CCSER1: variants seen among roughly 807,000 people sequenced by gnomAD.
CCSER1 encodes the protein coiled-coil serine rich protein 1, also known as serine-rich coiled-coil domain-containing protein 1.
In CCSER1, 41 loss-of-function variants were observed where a neutral mutation model predicts 82.0. That is an observed-to-expected ratio of 0.50 (90% CI 0.39 to 0.65). The LOEUF (loss-of-function observed/expected upper bound fraction) is 0.65. Among genes scored for constraint, CCSER1 ranks in the 30% least tolerant of loss-of-function variants. The probability of loss-of-function intolerance (pLI) is 0.00; values close to 1 mark genes in which losing one functional copy is unlikely to be tolerated. For synonymous variants in CCSER1, 414 were observed against 383.9 expected (o/e 1.08, Z -0.92); for missense variants, 1,119 against 1,064.2 (o/e 1.05, Z -0.72).
intron 9 of CCSER1, among the ~76,000 whole-genome samples, chr4:90,991,452 G>A (rs532567599): frequency 6.6e-6 from 1 of 151,824 alleles, no homozygotes; most frequent in Non-Finnish European, 1.5e-5. Context: ...GTACTTCCAC[G>A]TATCCACTTC....
chr4:91,073,094 G>A (rs1363912631), intron 9 of CCSER1, among the ~76,000 whole-genome samples: 2 of 152,032 alleles, frequency 1.3e-5, no homozygotes, highest in African/African-American at 2.4e-5. Context: ...AAAGCTTCCA[G>A]TGAATGGCTT....
intron 10 of CCSER1, among the ~76,000 whole-genome samples, chr4:91,566,196 T>G (rs1181981086): frequency 1.3e-5 from 2 of 152,172 alleles, no homozygotes; most frequent in Non-Finnish European, 2.9e-5. Flanking sequence ...TCACATTTAT[T>G]GATTTGCATA....
At chr4:91,416,941 T>C (rs1272587167) in intron 10 of CCSER1, among the ~76,000 whole-genome samples, 1 of 152,160 alleles carries the variant, frequency 6.6e-6, no homozygotes, top group African/African-American at 2.4e-5. Flanking sequence ...GAGAAAATTT[T>C]TGCAATCTGT....
chr4:90,911,921 G>A (rs559373184), intron 8 of CCSER1, among the ~76,000 whole-genome samples: 541 of 152,280 alleles, frequency 3.6e-3, no homozygotes, highest in Non-Finnish European at 5.3e-3. Flanking sequence ...AGGCAGCAGC[G>A]AGGCTGGGGG....
intron 10 of CCSER1, among the ~76,000 whole-genome samples, chr4:91,189,121 T>C (rs528121518): frequency 6.6e-6 from 1 of 152,292 alleles, no homozygotes; most frequent in East Asian, 1.9e-4. Flanking sequence ...TAATGGATTT[T>C]TTTTTAAAGA....
At chr4:91,579,463 A>C (rs1459655958) in intron 10 of CCSER1, among the ~76,000 whole-genome samples, 1 of 151,802 alleles carries the variant, frequency 6.6e-6, no homozygotes, top group Non-Finnish European at 1.5e-5. Flanking sequence ...TATGTGATGA[A>C]AACATTACCA....
At chr4:90,427,875 A>G (rs1184231659) in intron 4 of CCSER1, among the ~76,000 whole-genome samples, 2 of 151,826 alleles carry the variant, frequency 1.3e-5, no homozygotes, top group Non-Finnish European at 3.0e-5. Context: ...ATTCAGCCCT[A>G]TTTTGTAATC....
At chr4:90,369,527 G>C (rs1746992156) in intron 3 of CCSER1, among the ~76,000 whole-genome samples, 1 of 151,980 alleles carries the variant, frequency 6.6e-6, no homozygotes, top group Admixed American at 6.6e-5. Flanking sequence ...AAGTATATTT[G>C]AGAAGTTAGA....
chr4:91,094,743 G>A (rs978254474), intron 10 of CCSER1, among the ~76,000 whole-genome samples: 5 of 152,146 alleles, frequency 3.3e-5, no homozygotes, highest in African/African-American at 4.8e-5. Flanking sequence ...CAGGGCCATC[G>A]CTTAGCTAGA....
chr4:90,308,586 A>G lies in CCSER1; in HGVS notation c.302A>G (p.Gln101Arg). The change falls in exon 2 of 11, where the codon CAG becomes CGG. Residue 101 changes from glutamine to arginine, a missense_variant. Coordinates refer to ENST00000509176, the MANE Select transcript of CCSER1 (RefSeq NM_001145065.2). ...GCTCAACCTGGTCACAGCAATATGC[A>G]GAAACTGAGTTTGGAAGAACATATT... ...NGAQPGHSNM[Q>R]KLSLEEHIKT... The G allele has an allele frequency of 6.2e-7, 1 of 1,613,964 alleles. No individual in the cohort carries two copies. The highest frequency in any genetic ancestry group is 8.5e-7 in the Non-Finnish European group (1 of 1,179,854).
intron 4 of CCSER1, among the ~76,000 whole-genome samples, chr4:90,449,551 C>T (rs776893272): frequency 3.9e-5 from 6 of 152,206 alleles, no homozygotes; most frequent in Non-Finnish European, 5.9e-5. Flanking sequence ...TGCCTGCAGG[C>T]TCGTGTGAGC....
intron 10 of CCSER1, among the ~76,000 whole-genome samples, chr4:91,579,401 G>GA (rs1161738323): frequency 6.6e-6 from 1 of 151,268 alleles, no homozygotes; most frequent in African/African-American, 2.4e-5. Context: ...GTACATATTC[G>GA]AAAAGAAGAA....
At chr4:90,799,225 G>A (rs1384063877) in intron 7 of CCSER1, among the ~76,000 whole-genome samples, 7 of 152,248 alleles carry the variant, frequency 4.6e-5, no homozygotes, top group South Asian at 2.1e-4. Flanking sequence ...CACTCAGTAC[G>A]AGGGAGGATC....
At chr4:91,227,809 C>A (rs1738324422) in intron 10 of CCSER1, among the ~76,000 whole-genome samples, 1 of 151,744 alleles carries the variant, frequency 6.6e-6, no homozygotes, top group Non-Finnish European at 1.5e-5. Context: ...AAATAGGGTC[C>A]ATGAAATTTT....
chr4:91,472,774 C>T (rs1263740098), intron 10 of CCSER1, among the ~76,000 whole-genome samples: 3 of 152,116 alleles, frequency 2.0e-5, no homozygotes, highest in East Asian at 1.9e-4. Context: ...TACCTTATGA[C>T]AAGCCTTAAC....
chr4:91,017,811 T>TTGTGTGTGTG (rs34719158), intron 9 of CCSER1, among the ~76,000 whole-genome samples: 2 of 143,910 alleles, frequency 1.4e-5, no homozygotes, highest in Non-Finnish European at 3.1e-5. Context: ...GGTTTTTAAA[T>TTGTGTGTGTG]TGTGTGTGTG....
intron 10 of CCSER1, among the ~76,000 whole-genome samples, chr4:91,269,348 T>C (rs1043597163): frequency 1.3e-5 from 2 of 152,224 alleles, no homozygotes; most frequent in Admixed American, 1.3e-4. Context: ...TACTTTCAAA[T>C]TTCGGGGAAT....
chr4:91,113,582 C>G (rs544044420), intron 10 of CCSER1, among the ~76,000 whole-genome samples: 2 of 152,242 alleles, frequency 1.3e-5, no homozygotes, highest in East Asian at 3.9e-4. Flanking sequence ...GAGCCTCTGG[C>G]CTCCGTATGA....
chr4:91,446,579 TTGTGTGTGTG>T (rs10607137), intron 10 of CCSER1, among the ~76,000 whole-genome samples: 1 of 146,718 alleles, frequency 6.8e-6, no homozygotes, highest in Non-Finnish European at 1.5e-5. Context: ...TTTCTATTCT[TTGTGTGTGTG>T]TGTGTGTGTG....
Sources: allele counts gnomAD v4.1 joint callset (sites outside exome capture counted in the v4.1 genomes callset), GRCh38; gene constraint gnomAD v4.1.1; transcripts MANE v1.5; gene names NCBI Gene and HGNC (gene_info 2026-07-23, HGNC 2026-07-21).